MPP7: variants seen among roughly 807,000 people sequenced by gnomAD.
The protein encoded by MPP7 is MAGUK p55 scaffold protein 7, also known as MAGUK p55 subfamily member 7.
A neutral mutation model predicts 76.5 loss-of-function variants in MPP7; 60 were observed. The observed-to-expected ratio is 0.78, with a 90% CI of 0.64 to 0.97. The LOEUF (loss-of-function observed/expected upper bound fraction) is 0.97. Among genes scored for constraint, MPP7 ranks in the 50% least tolerant of loss-of-function variants. MPP7 has a pLI of 0.00. For synonymous variants in MPP7, 237 were observed against 244.5 expected, an observed-to-expected ratio of 0.97 and a Z score of 0.29; for missense variants, 641 against 694.0, an observed-to-expected ratio of 0.92 and a Z score of 0.86.
At chr10:28,309,003 A>G (rs1020653594) in intron 2 of MPP7, among the ~76,000 whole-genome samples, 1 of 152,162 alleles carries the variant, frequency 6.6e-6, no homozygotes, top group Non-Finnish European at 1.5e-5. Flanking sequence ...TCTTGCCTGG[A>G]TGATTCAAGC....
At chr10:28,282,191 G>A (rs185246609) in intron 1 of MPP7, 1 of 152,080 alleles carries the variant, frequency 6.6e-6, no homozygotes, top group African/African-American at 2.4e-5. Context: ...TGCCTCACAG[G>A]GCACCAAGGG....
chr10:28,069,370 C>T (rs112929728), intron 13 of MPP7, among the ~76,000 whole-genome samples: 4 of 152,102 alleles, frequency 2.6e-5, no homozygotes, highest in East Asian at 3.9e-4. Flanking sequence ...TTTGGGAGGC[C>T]GAGGCAGGTG....
chr10:28,196,086 T>C (rs1837572229), intron 3 of MPP7, among the ~76,000 whole-genome samples: 1 of 152,218 alleles, frequency 6.6e-6, no homozygotes, highest in Non-Finnish European at 1.5e-5. Flanking sequence ...TCATTGCATA[T>C]CTGAAATTCA....
intron 2 of MPP7, among the ~76,000 whole-genome samples, chr10:28,215,978 A>G (rs1838295503): frequency 6.6e-6 from 1 of 152,078 alleles, no homozygotes; most frequent in Non-Finnish European, 1.5e-5. Context: ...AGCTTTCACA[A>G]TAGGCAATAA....
chr10:28,268,202 G>A (rs1470120829), intron 1 of MPP7, among the ~76,000 whole-genome samples: 1 of 152,146 alleles, frequency 6.6e-6, no homozygotes, highest in Non-Finnish European at 1.5e-5. Flanking sequence ...TCACTGTGGG[G>A]CAGGGAACCG....
At chr10:28,247,817 A>G (rs1208894005) in intron 1 of MPP7, among the ~76,000 whole-genome samples, 3 of 152,342 alleles carry the variant, frequency 2.0e-5, no homozygotes, top group Admixed American at 2.0e-4. Context: ...TTACATTTGA[A>G]GTCAGCTATA....
In MPP7 at chr10:28,051,483, A is replaced by G. The variant is rs572675747; in HGVS notation, c.*2582T>C. 2 of 152,218 alleles carry G rather than the reference A, an allele frequency of 1.3e-5. No homozygotes were observed. Among genetic ancestry groups the G allele is most frequent in the Non-Finnish European group, 2.9e-5 (2 of 68,032 alleles). The allele number at this position is 152,218 out of a possible 1,614,324, so 9.4% of individuals were successfully genotyped here. A position where few individuals can be genotyped will look rare whatever the true frequency, so the allele number is the denominator to read the frequency against. Reference sequence around the variant, plus strand: ...TGACTACAGTCAATAATAGGAGTACAGAATTTACTTTTTGGTCTTGATTTT... The same window carrying G: ...TGACTACAGTCAATAATAGGAGTACGGAATTTACTTTTTGGTCTTGATTTT... On this transcript the variant is annotated 3_prime_UTR_variant, in exon 17 of 17. Coordinates refer to ENST00000683449, the MANE Select transcript of MPP7 (RefSeq NM_001318170.2).
chr10:28,079,528 A>T (rs1852661283), intron 12 of MPP7, among the ~76,000 whole-genome samples: 1 of 152,110 alleles, frequency 6.6e-6, no homozygotes, highest in Non-Finnish European at 1.5e-5. Context: ...ACAAAGCTAA[A>T]TGAGTAGAAA....
At chr10:28,218,061 T>A (rs1838373172) in intron 2 of MPP7, among the ~76,000 whole-genome samples, 1 of 152,180 alleles carries the variant, frequency 6.6e-6, no homozygotes, top group Admixed American at 6.5e-5. Context: ...CGATGTGTAA[T>A]GCAACTGAAA....
At chr10:28,179,030 A>T (rs1386815298) in intron 3 of MPP7, among the ~76,000 whole-genome samples, 1 of 152,214 alleles carries the variant, frequency 6.6e-6, no homozygotes, top group Non-Finnish European at 1.5e-5. Context: ...TGAGGGAAGG[A>T]AATTATCAAG....
intron 3 of MPP7, among the ~76,000 whole-genome samples, chr10:28,186,465 C>T (rs1837240838): frequency 6.6e-6 from 1 of 152,184 alleles, no homozygotes; most frequent in South Asian, 2.1e-4. Context: ...ACAAGGATAG[C>T]CTCCAAGGAA....
intron 1 of MPP7, among the ~76,000 whole-genome samples, chr10:28,331,631 G>A (rs1834470630): frequency 6.6e-6 from 1 of 152,094 alleles, no homozygotes. Flanking sequence ...CTGGAGTGCA[G>A]TGGCATAATC....
At chr10:28,282,349 T>G (rs1414509241) in intron 1 of MPP7, among the ~76,000 whole-genome samples, 1 of 152,114 alleles carries the variant, frequency 6.6e-6, no homozygotes, top group Non-Finnish European at 1.5e-5. Flanking sequence ...CCTATCAATT[T>G]GTGTACCACT....
At chr10:28,125,127 A>G in intron 6 of MPP7, 36 bp from the exon 7 acceptor site, 2 of 1,531,170 alleles carry the variant, frequency 1.3e-6, no homozygotes, top group Non-Finnish European at 1.8e-6. Flanking sequence ...TTGTGGGTAA[A>G]TGTGTGTACT....
chr10:28,107,597 G>A (rs1353029025), intron 11 of MPP7, among the ~76,000 whole-genome samples: 1 of 152,142 alleles, frequency 6.6e-6, no homozygotes, highest in Non-Finnish European at 1.5e-5. Context: ...GATGCAAGCA[G>A]AGGCTTCCTG....
chr10:28,085,811 T>G (rs533762207), intron 12 of MPP7, among the ~76,000 whole-genome samples: 1 of 151,974 alleles, frequency 6.6e-6, no homozygotes, highest in Non-Finnish European at 1.5e-5. Flanking sequence ...AGGATTGATA[T>G]CACAGGGCTA....
chr10:28,212,986 C>T (rs1333873817), intron 2 of MPP7, among the ~76,000 whole-genome samples: 1 of 152,134 alleles, frequency 6.6e-6, no homozygotes, highest in East Asian at 1.9e-4. Flanking sequence ...GCCACTCAGG[C>T]TGTAGTGCAG....
chr10:28,066,473 C>T (rs1358582455), intron 13 of MPP7, among the ~76,000 whole-genome samples: 1 of 152,100 alleles, frequency 6.6e-6, no homozygotes, highest in Non-Finnish European at 1.5e-5. Flanking sequence ...ACTCAGCTTC[C>T]TCTTGAAATA....
intron 1 of MPP7, among the ~76,000 whole-genome samples, chr10:28,332,699 T>C (rs888966187): frequency 6.6e-6 from 1 of 152,178 alleles, no homozygotes; most frequent in Non-Finnish European, 1.5e-5. Flanking sequence ...TCTCACTCTA[T>C]TACCCAGGCT....
Sources: allele counts gnomAD v4.1 joint callset (sites outside exome capture counted in the v4.1 genomes callset), GRCh38; gene constraint gnomAD v4.1.1; transcripts MANE v1.5; gene names NCBI Gene and HGNC (gene_info 2026-07-23, HGNC 2026-07-21).